LRRC28: variants seen among roughly 807,000 people sequenced by gnomAD.
LRRC28 encodes leucine rich repeat containing 28, also known as leucine-rich repeat-containing protein 28.
A neutral mutation model predicts 45.7 loss-of-function variants in LRRC28; 39 were observed. The observed-to-expected ratio is 0.85, with a 90% CI of 0.66 to 1.12. The LOEUF (loss-of-function observed/expected upper bound fraction) is 1.12. LRRC28 is among the 50% of genes most tolerant of loss of function. LRRC28 has a pLI of 0.00. For missense variants in LRRC28, 435 were observed against 438.5 expected (o/e 0.99, Z 0.07); for synonymous variants, 206 against 178.8 (o/e 1.15, Z -1.22).
At chr15:99,323,580 G>C (rs1955873200) in intron 5 of LRRC28, among the ~76,000 whole-genome samples, 1 of 152,146 alleles carries the variant, frequency 6.6e-6, no homozygotes, top group Non-Finnish European at 1.5e-5. Flanking sequence ...GTGCTTCACA[G>C]TTTCTGAAAG....
In LRRC28 at chr15:99,386,177, C is replaced by G; in HGVS notation, c.*75C>G. 8.6e-7 allele frequency: 1 copy of G among 1,168,876 alleles called. No homozygotes were observed. The highest frequency in any genetic ancestry group is 1.3e-6 in the Non-Finnish European group (1 of 774,986). 72.4% of individuals were successfully genotyped at this position (1,168,876 alleles called of 1,614,324 possible). A position where few individuals can be genotyped will look rare whatever the true frequency, so the allele number is the denominator to read the frequency against. ...CAGCCAGTCCAGCACACTCTTCCAT[C>G]CTGTCCTGTCCAATGCGGGGGCACT... On this transcript the variant is annotated 3_prime_UTR_variant, in exon 10 of 10. Coordinates refer to ENST00000301981, the MANE Select transcript of LRRC28 (RefSeq NM_144598.5).
At chr15:99,362,677 T>C (rs1288122520) in intron 8 of LRRC28, among the ~76,000 whole-genome samples, 1 of 152,206 alleles carries the variant, frequency 6.6e-6, no homozygotes, top group African/African-American at 2.4e-5. Flanking sequence ...GATTTAGCCT[T>C]GGTGGAGGAT....
chr15:99,363,749 CTT>C, intron 9 of LRRC28, among the ~76,000 whole-genome samples: 1 of 152,184 alleles, frequency 6.6e-6, no homozygotes. Context: ...TCATGCCACT[CTT>C]TATTTCTTGG....
At chr15:99,272,180 G>A (rs965415707) in intron 2 of LRRC28, among the ~76,000 whole-genome samples, 4 of 152,168 alleles carry the variant, frequency 2.6e-5, no homozygotes, top group Non-Finnish European at 4.4e-5. Context: ...AAGCCAGGAT[G>A]GAGCAGGTTT....
At chr15:99,345,694 G>A (rs968180330) in intron 6 of LRRC28, among the ~76,000 whole-genome samples, 3 of 152,178 alleles carry the variant, frequency 2.0e-5, no homozygotes, top group African/African-American at 7.2e-5. Context: ...CAATAGATAT[G>A]TCCATGCATG....
intron 5 of LRRC28, among the ~76,000 whole-genome samples, chr15:99,289,858 G>A (rs944770189): frequency 1.4e-4 from 21 of 148,728 alleles, no homozygotes; most frequent in Non-Finnish European, 2.1e-4. Context: ...GCGTGAACCC[G>A]GGAAGCGGAG....
intron 7 of LRRC28, among the ~76,000 whole-genome samples, chr15:99,355,168 T>G (rs1412697623): frequency 6.6e-6 from 1 of 152,256 alleles, no homozygotes; most frequent in Non-Finnish European, 1.5e-5. Context: ...TTCTTCTTAT[T>G]CTATGTTTAT....
In LRRC28 at chr15:99,386,332, G is replaced by C. The variant is rs1241933922; in HGVS notation, c.*230G>C. 4 of 474,128 alleles carry C rather than the reference G, an allele frequency of 8.4e-6. No individual in the cohort carries two copies. In the Admixed American group the frequency reaches 1.0e-4, roughly 12 times the overall value. The allele number at this position is 474,128 out of a possible 1,614,324, so 29.4% of individuals were successfully genotyped here. A position where few individuals can be genotyped will look rare whatever the true frequency, so the allele number is the denominator to read the frequency against. On this transcript the variant is annotated 3_prime_UTR_variant, in exon 10 of 10. Coordinates refer to ENST00000301981, the MANE Select transcript of LRRC28 (RefSeq NM_144598.5). ...TTCTGTGTTTTTCCTTTTTATGTGA[G>C]TGTGTCTTTTACAGAAACCATTTAG...
At chr15:99,279,466 A>G (rs150917579) in intron 3 of LRRC28, among the ~76,000 whole-genome samples, 3 of 152,354 alleles carry the variant, frequency 2.0e-5, no homozygotes, top group African/African-American at 7.2e-5. Flanking sequence ...TCTGCTACTC[A>G]GACGGAATAA....
intron 5 of LRRC28, among the ~76,000 whole-genome samples, chr15:99,315,774 C>T (rs1955571646): frequency 6.6e-6 from 1 of 152,044 alleles, no homozygotes; most frequent in African/African-American, 2.4e-5. Context: ...TCAGAAATAC[C>T]ATCTTCAGGC....
At chr15:99,282,004 C>G (rs2152192611) in intron 3 of LRRC28, among the ~76,000 whole-genome samples, 1 of 151,832 alleles carries the variant, frequency 6.6e-6, no homozygotes. Flanking sequence ...ATTGCTCAGG[C>G]TGGTCTTGAA....
intron 5 of LRRC28, among the ~76,000 whole-genome samples, chr15:99,329,128 G>A (rs1024365134): frequency 2.0e-5 from 3 of 152,158 alleles, no homozygotes; most frequent in Admixed American, 6.5e-5. Flanking sequence ...CAATGGAACA[G>A]ATCAGTGAAA....
At chr15:99,284,268 C>A (rs1213133778) in intron 3 of LRRC28, among the ~76,000 whole-genome samples, 1 of 152,014 alleles carries the variant, frequency 6.6e-6, no homozygotes, top group East Asian at 1.9e-4. Context: ...TCAGGATTGG[C>A]AACACTCTGT....
chr15:99,321,829 T>C (rs1955807620), intron 5 of LRRC28, among the ~76,000 whole-genome samples: 2 of 152,346 alleles, frequency 1.3e-5, no homozygotes, highest in East Asian at 1.9e-4. Flanking sequence ...AAAGCCCCTG[T>C]TCTTATGAAA....
chr15:99,276,549 A>G, intron 2 of LRRC28, 27 bp from the exon 3 acceptor site: 1 of 1,545,560 alleles, frequency 6.5e-7, no homozygotes, highest in South Asian at 1.3e-5. Flanking sequence ...CAAAAATAAA[A>G]TTTAATTCTG....
At chr15:99,381,528 A>T (rs144236011) in intron 9 of LRRC28, among the ~76,000 whole-genome samples, 2,684 of 152,286 alleles carry the variant, frequency 0.018, 87 homozygotes, top group African/African-American at 0.061. Context: ...TTCTTCTCTC[A>T]ACTCGTCAAA....
chr15:99,252,270 T>G (rs993501392), intron 1 of LRRC28, among the ~76,000 whole-genome samples: 1 of 152,266 alleles, frequency 6.6e-6, no homozygotes, highest in African/African-American at 2.4e-5. Flanking sequence ...AGGCTGTGTA[T>G]GGCCCGTGAA....
intron 5 of LRRC28, among the ~76,000 whole-genome samples, chr15:99,307,361 T>C (rs193281724): frequency 2.0e-5 from 3 of 152,294 alleles, no homozygotes; most frequent in Admixed American, 2.0e-4. Context: ...ATCCCATAAA[T>C]GCCATCCAAA....
intron 8 of LRRC28, 33 bp downstream of exon 8, chr15:99,361,544 C>G (rs3817147): frequency 0.29 from 450,067 of 1,543,072 alleles, 69,699 homozygotes; most frequent in African/African-American, 0.55. Flanking sequence ...TTATTTTTCT[C>G]TCTCATTTAG....
Sources: gnomAD v4.1 joint callset for allele counts (sites outside exome capture counted in the v4.1 genomes callset) on GRCh38, gnomAD v4.1.1 for gene constraint, MANE v1.5 for transcripts, NCBI Gene and HGNC (gene_info 2026-07-23, HGNC 2026-07-21) for gene names.